MAGI2: variants seen among roughly 807,000 people sequenced by gnomAD.
MAGI2 encodes the protein membrane associated guanylate kinase, WW and PDZ domain containing 2, also known as membrane-associated guanylate kinase, WW and PDZ domain-containing protein 2.
Under a neutral mutation model 133.3 loss-of-function variants are expected in MAGI2, and 35 were observed. The ratio of observed to expected loss-of-function variants is 0.26; its 90% CI spans 0.20 to 0.35. MAGI2 has a LOEUF of 0.35. Ranked by LOEUF, MAGI2 falls within the 10% of genes least tolerant of loss-of-function variation. The pLI is 1.00. For missense variants in MAGI2, 1,636 were observed against 1,863.4 expected (o/e 0.88, Z 2.25); for synonymous variants, 729 against 710.6 (o/e 1.03, Z -0.41).
chr7:78,063,979 C>T (rs1813549405), intron 21 of MAGI2, among the ~76,000 whole-genome samples: 1 of 152,024 alleles, frequency 6.6e-6, no homozygotes, highest in African/African-American at 2.4e-5. Flanking sequence ...ACAAAGAGCC[C>T]TCTCTCTCTT....
chr7:78,040,661 C>T (rs1810731437), intron 21 of MAGI2, among the ~76,000 whole-genome samples: 1 of 152,190 alleles, frequency 6.6e-6, no homozygotes, highest in South Asian at 2.1e-4. Flanking sequence ...CAGGTCACCT[C>T]GCCTTGGAGA....
At chr7:79,014,341 T>C (rs1349702019) in intron 1 of MAGI2, among the ~76,000 whole-genome samples, 1 of 152,156 alleles carries the variant, frequency 6.6e-6, no homozygotes, top group Non-Finnish European at 1.5e-5. Flanking sequence ...AAATGAGTTC[T>C]CAGTACATGC....
rs368882915 is a variant in MAGI2, at chr7:78,097,962, C to T, written c.3568-18877G>A. Among the ~76,000 whole-genome samples, 167 of 152,162 alleles carry T rather than the reference C, an allele frequency of 1.1e-3. 3 individuals carry two copies. In the South Asian group the frequency reaches 0.034, roughly 31 times the overall value. The stretch of plus-strand genomic sequence containing the variant: ...CACATGACTTTTTAAGAACCCTTCT[C>T]AGATTCATAAATCTATGATGAAAAA... On this transcript the variant is annotated intron_variant, in intron 20 of 21. Transcript: ENST00000354212.
At chr7:78,675,729 A>T (rs1814949886) in intron 2 of MAGI2, among the ~76,000 whole-genome samples, 1 of 152,152 alleles carries the variant, frequency 6.6e-6, no homozygotes, top group Non-Finnish European at 1.5e-5. Flanking sequence ...TATGCAGGAC[A>T]CGCCATGAAT....
At position 78,493,632 on chromosome 7, in the gene MAGI2, T is replaced by A. The variant is rs186069117; in HGVS notation, c.966-3792A>T. Among the ~76,000 whole-genome samples, 33 of 151,954 alleles carry A rather than the reference T, an allele frequency of 2.2e-4. No individual in the cohort carries two copies. In the East Asian group the frequency reaches 4.1e-3, roughly 19 times the overall value. On this transcript the variant is annotated intron_variant, in intron 5 of 21. Coordinates refer to ENST00000354212, the MANE Select transcript of MAGI2 (RefSeq NM_012301.4). ...ATATCTGGTTTCCAGGTACAAGGTT[T>A]TTTTTTAGTGGTCTGAAACCAGAGG...
chr7:78,334,403 A>G (rs557458768), intron 9 of MAGI2, among the ~76,000 whole-genome samples: 1 of 152,214 alleles, frequency 6.6e-6, no homozygotes, highest in Admixed American at 6.5e-5. Flanking sequence ...GAATTTCCTG[A>G]AACAGTGCTA....
intron 5 of MAGI2, among the ~76,000 whole-genome samples, chr7:78,498,373 T>C (rs2150516304): frequency 1.3e-5 from 2 of 152,344 alleles, no homozygotes; most frequent in East Asian, 3.9e-4. Context: ...CAAGATCTGC[T>C]TCTACGGGCC....
At chr7:78,489,673 A>T in intron 6 of MAGI2, 88 bp downstream of exon 6, 1 of 932,580 alleles carries the variant, frequency 1.1e-6, no homozygotes, top group East Asian at 2.4e-5. Flanking sequence ...CAGCTAGATT[A>T]TTGCCTCTTC....
intron 6 of MAGI2, among the ~76,000 whole-genome samples, chr7:78,415,503 C>A (rs1798218186): frequency 6.6e-6 from 1 of 151,878 alleles, no homozygotes; most frequent in Non-Finnish European, 1.5e-5. Context: ...TTACATAATG[C>A]CCCCAGGTCA....
chr7:78,610,008 T>C (rs1806264383), intron 3 of MAGI2, among the ~76,000 whole-genome samples: 1 of 152,140 alleles, frequency 6.6e-6, no homozygotes, highest in Non-Finnish European at 1.5e-5. Context: ...CAGAATGTAA[T>C]GTGGGAACTG....
intron 2 of MAGI2, among the ~76,000 whole-genome samples, chr7:78,992,970 AT>A (rs35424822): frequency 1.6e-3 from 242 of 152,164 alleles, no homozygotes; most frequent in African/African-American, 5.3e-3. Context: ...TCTGAAAGCA[AT>A]TTTTGTCAAT....
At chr7:78,049,620 C>T (rs994884717) in intron 21 of MAGI2, among the ~76,000 whole-genome samples, 7 of 152,102 alleles carry the variant, frequency 4.6e-5, no homozygotes, top group African/African-American at 1.7e-4. Flanking sequence ...CGCGGTAGAA[C>T]CCCTAACAGC....
intron 1 of MAGI2, among the ~76,000 whole-genome samples, chr7:79,174,495 C>A (rs1263364574): frequency 1.3e-5 from 2 of 151,654 alleles, no homozygotes. Context: ...AAAATTACAA[C>A]AAAATACCTT....
intron 3 of MAGI2, among the ~76,000 whole-genome samples, chr7:78,620,261 A>G (rs1807585032): frequency 6.6e-6 from 1 of 151,994 alleles, no homozygotes; most frequent in Non-Finnish European, 1.5e-5. Context: ...ATGATTTTTT[A>G]TGAGTATCTC....
chr7:78,084,225 C>A (rs1816366285), intron 20 of MAGI2, among the ~76,000 whole-genome samples: 1 of 152,190 alleles, frequency 6.6e-6, no homozygotes, highest in Non-Finnish European at 1.5e-5. Context: ...TTCCTTATTT[C>A]ATGATGGACT....
intron 1 of MAGI2, among the ~76,000 whole-genome samples, chr7:79,263,846 A>T (rs1406697497): frequency 6.6e-6 from 1 of 152,216 alleles, no homozygotes; most frequent in Non-Finnish European, 1.5e-5. Context: ...AATTACATTG[A>T]TATTTTGTGT....
intron 9 of MAGI2, among the ~76,000 whole-genome samples, chr7:78,283,025 T>C (rs1795783486): frequency 6.6e-6 from 1 of 152,070 alleles, no homozygotes; most frequent in African/African-American, 2.4e-5. Context: ...TCATTTATTA[T>C]ATTGCTTTTA....
chr7:78,519,864 G>A (rs1465292059), intron 4 of MAGI2, among the ~76,000 whole-genome samples: 1 of 152,178 alleles, frequency 6.6e-6, no homozygotes, highest in African/African-American at 2.4e-5. Context: ...CCCAGCCTCT[G>A]CTTCTTTTGT....
chr7:78,707,451 G>C (rs543617375), intron 2 of MAGI2, among the ~76,000 whole-genome samples: 2 of 152,180 alleles, frequency 1.3e-5, no homozygotes, highest in East Asian at 3.9e-4. Context: ...ACATTGCTAA[G>C]TTGTGCCAGA....
Sources: gnomAD v4.1 joint callset for allele counts (sites outside exome capture counted in the v4.1 genomes callset) on GRCh38, gnomAD v4.1.1 for gene constraint, MANE v1.5 for transcripts, NCBI Gene and HGNC (gene_info 2026-07-23, HGNC 2026-07-21) for gene names.